Variants in MLLT1 observed in about 807,000 individuals in gnomAD.
MLLT1 encodes the protein MLLT1 super elongation complex subunit.
A neutral mutation model predicts 55.1 loss-of-function variants in MLLT1; 11 were observed. That is an observed-to-expected ratio of 0.20 (90% CI 0.13 to 0.33). MLLT1 has a LOEUF of 0.33. Ranked by LOEUF, MLLT1 falls within the 10% of genes least tolerant of loss-of-function variation. MLLT1 has a pLI of 1.00. For synonymous variants in MLLT1, 323 were observed against 320.1 expected (o/e 1.01, Z -0.10); for missense variants, 536 against 760.6 (o/e 0.70, Z 3.47).
intron 6 of MLLT1, among the ~76,000 whole-genome samples, chr19:6,221,451 G>A (rs1266991874): frequency 1.3e-5 from 2 of 152,220 alleles, no homozygotes; most frequent in Admixed American, 6.5e-5. Flanking sequence ...GCTGTGCTGT[G>A]GGACAAGCCA....
chr19:6,214,151 C>A (rs963453634), intron 8 of MLLT1, 113 bp from the exon 9 acceptor site: 15 of 516,214 alleles, frequency 2.9e-5, no homozygotes, highest in Non-Finnish European at 3.9e-5. Context: ...CCACACACCC[C>A]CAACAGCTCC....
At chr19:6,251,941 C>G (rs866934799) in intron 3 of MLLT1, among the ~76,000 whole-genome samples, 1 of 151,924 alleles carries the variant, frequency 6.6e-6, no homozygotes, top group Non-Finnish European at 1.5e-5. Flanking sequence ...GGTGACAGAG[C>G]GAGACTCCAC....
intron 2 of MLLT1, among the ~76,000 whole-genome samples, chr19:6,266,375 T>C (rs750990351): frequency 2.0e-5 from 3 of 151,932 alleles, no homozygotes; most frequent in Non-Finnish European, 2.9e-5. Flanking sequence ...CAACCAACCA[T>C]TCTACTGTGA....
At chr19:6,225,781 G>T (rs2090951338) in intron 5 of MLLT1, among the ~76,000 whole-genome samples, 2 of 152,206 alleles carry the variant, frequency 1.3e-5, no homozygotes, top group South Asian at 4.1e-4. Context: ...GCCCCAGGGA[G>T]GGCACCTCTC....
intron 2 of MLLT1, among the ~76,000 whole-genome samples, chr19:6,268,590 G>A (rs998225838): frequency 1.3e-5 from 2 of 152,198 alleles, no homozygotes; most frequent in Non-Finnish European, 2.9e-5. Flanking sequence ...TCCAGAGGCT[G>A]GAGTGCTCTA....
chr19:6,220,382 C>T (rs549162293), intron 6 of MLLT1, among the ~76,000 whole-genome samples: 288 of 152,348 alleles, frequency 1.9e-3, no homozygotes, highest in African/African-American at 6.7e-3. Flanking sequence ...GGCGCTAAGC[C>T]GCATTGCTCA....
Position 6,215,254 on chromosome 19 carries a change from C to T in MLLT1, c.1307+1151G>A, listed in dbSNP as rs111551684. The stretch of plus-strand genomic sequence containing the variant: ...ATCAAAAGGCGCTTCGCGTGTGGCT[C>T]GGTCCCTGTGCCGTGCCTGCCAGCC... On this transcript the variant is annotated intron_variant, in intron 8 of 11. Transcript: ENST00000252674. Among the ~76,000 whole-genome samples the T allele has an allele frequency of 1.7e-3, 262 of 152,352 alleles. 2 individuals carry two copies. The highest frequency in any genetic ancestry group is 6.0e-3 in the African/African-American group (248 of 41,582).
rs931051332 is a variant in MLLT1, at chr19:6,270,870, C to G, written c.13-111G>C. 4 of 1,036,232 alleles carry G rather than the reference C, an allele frequency of 3.9e-6. No individual in the cohort carries two copies. The African/African-American group carries it at 6.5e-5, about 17-fold the overall frequency. The allele number at this position is 1,036,232 out of a possible 1,614,324, so 64.2% of individuals were successfully genotyped here. A position where few individuals can be genotyped will look rare whatever the true frequency, so the allele number is the denominator to read the frequency against. Reference sequence around the variant, plus strand: ...AAGACCCCCAGCAGTGCAATACGCTCTCAACCCAGTGAGCAGCACACAGAC... The same window carrying G: ...AAGACCCCCAGCAGTGCAATACGCTGTCAACCCAGTGAGCAGCACACAGAC... On this transcript the variant is annotated intron_variant, in intron 1 of 11. Coordinates refer to ENST00000252674, the MANE Select transcript of MLLT1 (RefSeq NM_005934.4). This position sits in a 1 kb window ranked among gnomAD's most constrained non-coding sequence, Gnocchi z 7.1.
At chr19:6,223,268 G>A (rs1357714953) in intron 5 of MLLT1, among the ~76,000 whole-genome samples, 5 of 152,168 alleles carry the variant, frequency 3.3e-5, no homozygotes, top group African/African-American at 1.2e-4. Context: ...GCCAACTGCT[G>A]AGCGCCCACT....
In MLLT1 at chr19:6,213,026, G is replaced by C. The variant is rs371710480; in HGVS notation, c.*16C>G. 2 of 1,611,052 alleles carry C rather than the reference G, an allele frequency of 1.2e-6. No homozygotes were observed. Among genetic ancestry groups the C allele is most frequent in the African/African-American group, 2.7e-5 (2 of 74,812 alleles). On this transcript the variant is annotated 3_prime_UTR_variant, in exon 12 of 12. Coordinates refer to ENST00000252674, the MANE Select transcript of MLLT1 (RefSeq NM_005934.4). ...CCCAGGACCCCGGCGGTGGGGGCCC[G>C]GCACGCGGCCCAGGGTCATGTGGCC...
chr19:6,227,149 G>C lies in MLLT1; in HGVS notation c.421-47C>G, dbSNP rs762452696. ...TCATTATCGATGGGCAGGGGGCAGG[G>C]GGCCCACACGGGCCGGGCTGAAGGT... On this transcript the variant is annotated intron_variant, in intron 4 of 11. Coordinates refer to ENST00000252674, the MANE Select transcript of MLLT1 (RefSeq NM_005934.4). The surrounding 1 kb of genome is among the most constrained non-coding windows in gnomAD (Gnocchi z 5.1). The C allele has an allele frequency of 4.5e-6, 7 of 1,557,510 alleles. No homozygotes were observed. The African/African-American group carries it at 9.8e-5, about 22-fold the overall frequency.
At chr19:6,238,849 C>A (rs2091087566) in intron 3 of MLLT1, among the ~76,000 whole-genome samples, 1 of 152,252 alleles carries the variant, frequency 6.6e-6, no homozygotes, top group Admixed American at 6.5e-5. Context: ...TCCGCCAGGG[C>A]CTTCTCCGGC....
At chr19:6,225,275 G>A (rs1053089300) in intron 5 of MLLT1, among the ~76,000 whole-genome samples, 6 of 152,214 alleles carry the variant, frequency 3.9e-5, no homozygotes, top group African/African-American at 1.4e-4. Context: ...CTCACCAGCA[G>A]TCCCCCGGCC....
At chr19:6,216,361 C>T (rs1378715928) in intron 8 of MLLT1, 44 bp downstream of exon 8, 3 of 1,452,264 alleles carry the variant, frequency 2.1e-6, no homozygotes, top group Admixed American at 1.9e-5. Flanking sequence ...CCGGAGTCGC[C>T]CCGGGTGGCC....
chr19:6,240,813 C>G lies in MLLT1; in HGVS notation c.277-10100G>C, dbSNP rs2091106885. 6.6e-6 allele frequency among the ~76,000 whole-genome samples: 1 copy of G among 152,084 alleles called. No homozygotes were observed. Among genetic ancestry groups the G allele is most frequent in the African/African-American group, 2.4e-5 (1 of 41,400 alleles). ...CTTCTGTGCTTCGCATTTCCGATAA[C>G]CAGAATCAATTCCTGCATCGATGAG... On this transcript the variant is annotated intron_variant, in intron 3 of 11. Transcript: ENST00000252674. The surrounding 1 kb of genome is among the most constrained non-coding windows in gnomAD (Gnocchi z 4.7).
rs1466183756 is a variant in MLLT1, at chr19:6,216,426, G to A, written c.1286C>T (p.Thr429Ile). 3 of 1,608,408 alleles carry A rather than the reference G, an allele frequency of 1.9e-6. No homozygotes were observed. Among genetic ancestry groups the A allele is most frequent in the East Asian group, 2.2e-5 (1 of 44,750 alleles). The change falls in exon 8 of 12, where the codon ACC becomes ATC. Residue 429 changes from threonine to isoleucine, a missense_variant. Physicochemically the swap from Thr to Ile is moderately conservative, Grantham distance 89 (BLOSUM62 -1). This residue lies in a region of MLLT1 where 449 missense variants were observed against 489.0 expected (regional missense o/e 0.92). Transcript: ENST00000252674. ...SSSGEEAAGK[T>I]NPGRDSRLSF... is the part of the protein sequence containing the mutation. ...TCACCTGGAGTCCCTCCCCGGGTTGGTCTTGCCGGCAGCCTCCTCGCCTGA... is the reference window on the plus strand; with the variant it reads ...TCACCTGGAGTCCCTCCCCGGGTTGATCTTGCCGGCAGCCTCCTCGCCTGA...
chr19:6,268,983 G>A (rs1366661440), intron 2 of MLLT1, among the ~76,000 whole-genome samples: 1 of 152,226 alleles, frequency 6.6e-6, no homozygotes, highest in African/African-American at 2.4e-5. Flanking sequence ...GGAAATCAGC[G>A]TCCGGGGCCC....
At chr19:6,255,295 C>A (rs1210450334) in intron 3 of MLLT1, among the ~76,000 whole-genome samples, 4 of 152,134 alleles carry the variant, frequency 2.6e-5, no homozygotes, top group Non-Finnish European at 5.9e-5. Flanking sequence ...GAGTTTGAGA[C>A]CAGCCTGGCC....
intron 5 of MLLT1, among the ~76,000 whole-genome samples, chr19:6,225,055 G>A (rs564180627): frequency 1.3e-5 from 2 of 152,310 alleles, no homozygotes; most frequent in East Asian, 1.9e-4. Context: ...GGTTGTCTGC[G>A]AACCTCCACG....
Sources: allele counts gnomAD v4.1 joint callset (sites outside exome capture counted in the v4.1 genomes callset), GRCh38; gene constraint gnomAD v4.1.1; regional missense constraint gnomAD v4.1.1; non-coding constraint Gnocchi (gnomAD v3.1); transcripts MANE v1.5; gene names NCBI Gene and HGNC (gene_info 2026-07-23, HGNC 2026-07-21).